Variants in PROS1 observed in about 807,000 individuals in gnomAD.
PROS1 encodes protein S.
A neutral mutation model predicts 75.9 loss-of-function variants in PROS1; 29 were observed. That is an observed-to-expected ratio of 0.38 (90% CI 0.28 to 0.52). The LOEUF (loss-of-function observed/expected upper bound fraction) is 0.52, where lower values mean the gene tolerates loss of function less well. Among genes scored for constraint, PROS1 ranks in the 20% least tolerant of loss-of-function variants. PROS1 has a pLI of 0.83. For missense variants in PROS1, 680 were observed against 810.3 expected, an observed-to-expected ratio of 0.84 and a Z score of 1.95; for synonymous variants, 245 against 280.6, an observed-to-expected ratio of 0.87 and a Z score of 1.27.
At chr3:93,931,607 C>G (rs1360485930) in intron 1 of PROS1, among the ~76,000 whole-genome samples, 1 of 152,164 alleles carries the variant, frequency 6.6e-6, no homozygotes, top group Non-Finnish European at 1.5e-5. Context: ...GAGAGAAGTA[C>G]TTTATCTCCA....
At chr3:93,948,810 T>A (rs1709445467) in intron 1 of PROS1, among the ~76,000 whole-genome samples, 1 of 152,210 alleles carries the variant, frequency 6.6e-6, no homozygotes, top group Non-Finnish European at 1.5e-5. Flanking sequence ...GTTACAATTT[T>A]TAAAAGATAC....
intron 7 of PROS1, among the ~76,000 whole-genome samples, chr3:93,899,098 A>T (rs1171833127): frequency 6.6e-6 from 1 of 152,024 alleles, no homozygotes; most frequent in African/African-American, 2.4e-5. Flanking sequence ...GAACATTGGA[A>T]CACTCATAAT....
At chr3:93,900,750 C>G (rs1708580387) in intron 7 of PROS1, 54 bp downstream of exon 7, 2 of 1,607,658 alleles carry the variant, frequency 1.2e-6, no homozygotes, top group Non-Finnish European at 8.5e-7. Context: ...AATATCAGTT[C>G]AGGGTTCACA....
At chr3:93,966,809 CAAA>C (rs752321696) in intron 1 of PROS1, among the ~76,000 whole-genome samples, 14 of 76,528 alleles carry the variant, frequency 1.8e-4, no homozygotes, top group African/African-American at 1.4e-4. Flanking sequence ...GACTCTGTTC[CAAA>C]AAAAAAAAAA....
intron 1 of PROS1, among the ~76,000 whole-genome samples, chr3:93,959,255 G>A (rs924169194): frequency 3.3e-5 from 5 of 152,174 alleles, no homozygotes; most frequent in South Asian, 2.1e-4. Flanking sequence ...TCGAGGCTGC[G>A]ATGAGCTGTG....
chr3:93,925,821 T>TAA (rs35893198), intron 2 of PROS1, among the ~76,000 whole-genome samples: 2,238 of 107,512 alleles, frequency 0.021, 31 homozygotes, highest in East Asian at 0.061. Flanking sequence ...AGACCCTGTC[T>TAA]AAAAAAAAAA....
In PROS1 at chr3:93,898,811, TAAGTA is replaced by T. The variant is rs768935007; in HGVS notation, c.728-247_728-243del. ...AAATTAATTTATAACTTTCAGTGATTAAGTAAAGTATAACAATTCTACCAAATTTC... is the reference window on the plus strand; with the variant it reads ...AAATTAATTTATAACTTTCAGTGATTAAGTATAACAATTCTACCAAATTTC... On this transcript the variant is annotated intron_variant, in intron 7 of 14. Transcript: ENST00000394236. Among the ~76,000 whole-genome samples, 716 of 151,732 alleles carry T rather than the reference TAAGTA, an allele frequency of 4.7e-3. 6 individuals carry two copies. Among genetic ancestry groups the T allele is most frequent in the African/African-American group, 0.016 (678 of 41,126 alleles).
chr3:93,924,724 AT>A, intron 2 of PROS1, among the ~76,000 whole-genome samples: 1 of 146,950 alleles, frequency 6.8e-6, no homozygotes, highest in Non-Finnish European at 1.5e-5. Flanking sequence ...GTGCAGTGGT[AT>A]GACCATGACT....
chr3:93,966,200 AT>A (rs1559954118), intron 1 of PROS1, among the ~76,000 whole-genome samples: 1 of 152,160 alleles, frequency 6.6e-6, no homozygotes, highest in Non-Finnish European at 1.5e-5. Context: ...GGGCAGACAT[AT>A]AAGTGGCATT....
chr3:93,963,313 G>A (rs772649573), intron 1 of PROS1, among the ~76,000 whole-genome samples: 3 of 152,088 alleles, frequency 2.0e-5, no homozygotes, highest in Non-Finnish European at 4.4e-5. Flanking sequence ...CTTTTCCATT[G>A]AGCTATGTAG....
intron 4 of PROS1, among the ~76,000 whole-genome samples, chr3:93,909,956 C>A (rs8178624): frequency 6.6e-6 from 1 of 151,948 alleles, no homozygotes; most frequent in Non-Finnish European, 1.5e-5. Flanking sequence ...ATTAAATATA[C>A]GTATTCAGAC....
intron 12 of PROS1, among the ~76,000 whole-genome samples, chr3:93,880,227 T>A (rs549839369): frequency 5.1e-4 from 78 of 152,072 alleles, no homozygotes; most frequent in South Asian, 8.3e-4. Flanking sequence ...AGAAAAAAAA[T>A]ATATAGACCG....
chr3:93,909,235 T>C (rs1368842667), intron 4 of PROS1, among the ~76,000 whole-genome samples: 1 of 152,012 alleles, frequency 6.6e-6, no homozygotes, highest in African/African-American at 2.4e-5. Context: ...GCCAGGAGTC[T>C]GAGACCAGCC....
chr3:93,966,825 A>AG (rs1165867245), intron 1 of PROS1, among the ~76,000 whole-genome samples: 3 of 152,178 alleles, frequency 2.0e-5, no homozygotes, highest in African/African-American at 7.2e-5. Flanking sequence ...AAAAAAAAAA[A>AG]AAGAAGAAGG....
chr3:93,939,977 A>AG (rs1472763156), intron 1 of PROS1, among the ~76,000 whole-genome samples: 2 of 152,244 alleles, frequency 1.3e-5, no homozygotes, highest in African/African-American at 4.8e-5. Flanking sequence ...CCACTGTGAG[A>AG]GAAACCCCAG....
At chr3:93,897,775 GA>G in intron 8 of PROS1, among the ~76,000 whole-genome samples, 1 of 151,860 alleles carries the variant, frequency 6.6e-6, no homozygotes, top group African/African-American at 2.4e-5. Flanking sequence ...AAAGATGCAG[GA>G]AAAAAAGAGC....
At chr3:93,962,467 A>G (rs1436759887) in intron 1 of PROS1, among the ~76,000 whole-genome samples, 2 of 152,192 alleles carry the variant, frequency 1.3e-5, no homozygotes. Context: ...TTACAGTTTC[A>G]TACTATAAGC....
At chr3:93,914,434 C>T (rs1708808422) in intron 3 of PROS1, among the ~76,000 whole-genome samples, 1 of 152,158 alleles carries the variant, frequency 6.6e-6, no homozygotes. Flanking sequence ...TGAGATGCAC[C>T]TAGGCCCACT....
intron 7 of PROS1, among the ~76,000 whole-genome samples, chr3:93,899,544 TC>T (rs1350849489): frequency 6.6e-6 from 1 of 152,140 alleles, no homozygotes; most frequent in Non-Finnish European, 1.5e-5. Flanking sequence ...TAATGATAAT[TC>T]CGCAGACATC....
Sources: allele counts gnomAD v4.1 joint callset (sites outside exome capture counted in the v4.1 genomes callset), GRCh38; gene constraint gnomAD v4.1.1; transcripts MANE v1.5; gene names NCBI Gene and HGNC (gene_info 2026-07-23, HGNC 2026-07-21).